Variants in RCOR1 observed in about 807,000 individuals in gnomAD.
The protein encoded by RCOR1 is REST corepressor 1.
Under a neutral mutation model 64.0 loss-of-function variants are expected in RCOR1, and 12 were observed. The observed-to-expected ratio is 0.19, with a 90% CI of 0.12 to 0.30. The LOEUF is 0.30. RCOR1 is among the 10% of genes least tolerant of loss of function. The pLI is 1.00. For synonymous variants in RCOR1, 279 were observed against 227.2 expected, an observed-to-expected ratio of 1.23 and a Z score of -2.05; for missense variants, 502 against 621.2, an observed-to-expected ratio of 0.81 and a Z score of 2.04.
At chr14:102,712,370 A>G (rs150582451) in intron 7 of RCOR1, among the ~76,000 whole-genome samples, 14,351 of 150,984 alleles carry the variant, frequency 0.095, 735 homozygotes, top group Middle Eastern at 0.17. Context: ...TTGTATTTTT[A>G]GTAGAGATGG....
At chr14:102,653,696 C>T (rs902404372) in intron 2 of RCOR1, among the ~76,000 whole-genome samples, 4 of 151,994 alleles carry the variant, frequency 2.6e-5, no homozygotes, top group South Asian at 4.2e-4. Flanking sequence ...GCGATCGGGT[C>T]GTCTAAAAGT....
intron 2 of RCOR1, chr14:102,655,918 A>G (rs897583643): frequency 1.1e-6 from 1 of 926,052 alleles, no homozygotes; most frequent in Non-Finnish European, 1.3e-6. Context: ...GCGCCACTGC[A>G]CTCCAGCCTG....
intron 2 of RCOR1, among the ~76,000 whole-genome samples, chr14:102,610,334 T>A (rs1349478663): frequency 6.6e-6 from 1 of 152,138 alleles, no homozygotes; most frequent in Non-Finnish European, 1.5e-5. Flanking sequence ...AGCCACTAGC[T>A]ACATATAACT....
At chr14:102,626,587 AATT>A (rs1893986762) in intron 2 of RCOR1, among the ~76,000 whole-genome samples, 2 of 152,134 alleles carry the variant, frequency 1.3e-5, no homozygotes, top group South Asian at 2.1e-4. Context: ...GAAGGATCTT[AATT>A]ATTCTATACT....
At chr14:102,595,780 C>T (rs1407425545) in intron 2 of RCOR1, among the ~76,000 whole-genome samples, 21 of 151,936 alleles carry the variant, frequency 1.4e-4, no homozygotes, top group African/African-American at 3.9e-4. Flanking sequence ...GGGGTTTCAC[C>T]GTGTCAGCCA....
At chr14:102,701,675 G>A (rs887414332) in intron 4 of RCOR1, among the ~76,000 whole-genome samples, 3 of 152,118 alleles carry the variant, frequency 2.0e-5, no homozygotes, top group African/African-American at 7.2e-5. Flanking sequence ...GTTTTTTGAC[G>A]CATGTTTTCA....
intron 2 of RCOR1, 80 bp downstream of exon 2, chr14:102,593,405 C>A: frequency 7.2e-7 from 1 of 1,384,512 alleles, no homozygotes; most frequent in Non-Finnish European, 9.4e-7. Flanking sequence ...GGGCGGGAGC[C>A]CGCCGACAAC....
Position 102,707,470 on chromosome 14 carries a change from C to T in RCOR1, c.618C>T (p.Ala206=). 3.1e-6 allele frequency: 5 copies of T among 1,610,420 alleles called. No individual in the cohort carries two copies. Among genetic ancestry groups the T allele is most frequent in the African/African-American group, 1.3e-5 (1 of 74,800 alleles). The change falls in exon 5 of 12, where the codon GCC becomes GCT. Residue 206 remains alanine, a synonymous_variant. Transcript: ENST00000262241. ...AAGATAAAGTCTTATTTGAGCAAGC[C>T]TTTAGTTTTCATGGGAAAACTTTTC... is the stretch of plus-strand genomic sequence containing the variant. ...TVEDKVLFEQ[A]FSFHGKTFHR...
chr14:102,667,159 C>T (rs111388475), intron 2 of RCOR1, among the ~76,000 whole-genome samples: 3,559 of 151,968 alleles, frequency 0.023, 133 homozygotes, highest in African/African-American at 0.076. Flanking sequence ...ATGGTCATAT[C>T]ACTGCACTCC....
Position 102,721,352 on chromosome 14 carries a change from A to G in RCOR1, c.1164A>G (p.Thr388=), listed in dbSNP as rs777716783. 3 of 1,613,868 alleles carry G rather than the reference A, an allele frequency of 1.9e-6. No homozygotes were observed. Among genetic ancestry groups the G allele is most frequent in the Non-Finnish European group, 1.7e-6 (2 of 1,179,792 alleles). Residue 388 remains threonine (T), a synonymous_variant, in exon 10 of 12, where the codon ACA becomes ACG. Transcript: ENST00000262241. ...VIQKCNARWT[T]EEQLLAVQAI... The stretch of plus-strand genomic sequence containing the variant: ...AGAAATGTAATGCACGTTGGACTAC[A>G]GAAGAGCAGCTTCTCGCCGTACAAG...
At chr14:102,626,311 T>C (rs138687354) in intron 2 of RCOR1, among the ~76,000 whole-genome samples, 1 of 152,302 alleles carries the variant, frequency 6.6e-6, no homozygotes, top group Non-Finnish European at 1.5e-5. Context: ...AAGCTTTTAC[T>C]GGGCTAATAC....
intron 2 of RCOR1, among the ~76,000 whole-genome samples, chr14:102,673,748 T>C (rs1239483318): frequency 6.6e-6 from 1 of 152,096 alleles, no homozygotes; most frequent in Non-Finnish European, 1.5e-5. Flanking sequence ...CCCAAGTAGC[T>C]GGGATTACAG....
At chr14:102,652,004 T>C (rs1894601817) in intron 2 of RCOR1, among the ~76,000 whole-genome samples, 2 of 152,254 alleles carry the variant, frequency 1.3e-5, no homozygotes, top group Non-Finnish European at 2.9e-5. Flanking sequence ...TGGCTTAGAA[T>C]AAGTAGAAAT....
At chr14:102,639,816 A>AGC (rs10689690) in intron 2 of RCOR1, among the ~76,000 whole-genome samples, 22,606 of 141,434 alleles carry the variant, frequency 0.16, 2,291 homozygotes, top group African/African-American at 0.3. Context: ...TACAGGTGTG[A>AGC]CACTGAGCTC....
intron 3 of RCOR1, among the ~76,000 whole-genome samples, chr14:102,684,000 C>T (rs1303935091): frequency 6.6e-6 from 1 of 152,252 alleles, no homozygotes; most frequent in East Asian, 1.9e-4. Context: ...GCCCCAGCCC[C>T]CGCAGCTCTG....
chr14:102,723,803 G>A (rs1034617738), intron 11 of RCOR1, among the ~76,000 whole-genome samples: 1 of 152,120 alleles, frequency 6.6e-6, no homozygotes, highest in Non-Finnish European at 1.5e-5. Context: ...TGTGTTTTCC[G>A]GCTTCGGTCC....
chr14:102,723,518 A>G (rs79042425), intron 11 of RCOR1, among the ~76,000 whole-genome samples: 110 of 152,354 alleles, frequency 7.2e-4, no homozygotes, highest in African/African-American at 2.5e-3. Context: ...AATCTTTATA[A>G]TAAGTGTACC....
chr14:102,593,392 AG>A, intron 2 of RCOR1, 67 bp downstream of exon 2: 1 of 1,414,696 alleles, frequency 7.1e-7, no homozygotes, highest in Non-Finnish European at 9.2e-7. Context: ...GGCGAGCCCG[AG>A]GGGGCGGGAG....
intron 2 of RCOR1, among the ~76,000 whole-genome samples, chr14:102,624,524 G>T (rs1296076404): frequency 6.6e-6 from 1 of 151,766 alleles, no homozygotes; most frequent in Non-Finnish European, 1.5e-5. Context: ...TTCACACCTA[G>T]GACATCACAA....
Sources: allele counts gnomAD v4.1 joint callset (sites outside exome capture counted in the v4.1 genomes callset), GRCh38; gene constraint gnomAD v4.1.1; transcripts MANE v1.5; gene names NCBI Gene and HGNC (gene_info 2026-07-23, HGNC 2026-07-21).